The following TYW1B variants were observed in gnomAD, a reference collection of about 807,000 sequenced individuals.
TYW1B encodes S-adenosyl-L-methionine-dependent tRNA 4-demethylwyosine synthase TYW1B.
A neutral mutation model predicts 86.9 loss-of-function variants in TYW1B; 73 were observed. The observed-to-expected ratio is 0.84, with a 90% CI of 0.70 to 1.02. TYW1B has a LOEUF of 1.02. Among genes scored for constraint, TYW1B ranks in the 50% least tolerant of loss-of-function variants. The pLI, the probability that TYW1B is intolerant of heterozygous loss-of-function variation, is 0.00. For synonymous variants in TYW1B, 248 were observed against 292.8 expected (o/e 0.85, Z 1.56); for missense variants, 637 against 827.4 (o/e 0.77, Z 2.82).
At chr7:72,652,549 G>C (rs1366341048) in intron 11 of TYW1B, among the ~76,000 whole-genome samples, 2 of 152,118 alleles carry the variant, frequency 1.3e-5, no homozygotes, top group Non-Finnish European at 2.9e-5. Flanking sequence ...ATTGGGAATA[G>C]TGGCTACCTT....
At chr7:72,665,458 A>G (rs1269664219) in intron 11 of TYW1B, among the ~76,000 whole-genome samples, 1 of 152,192 alleles carries the variant, frequency 6.6e-6, no homozygotes, top group Non-Finnish European at 1.5e-5. Flanking sequence ...AATTTGATTA[A>G]CCCACCATCT....
chr7:72,814,063 A>G (rs1196469776), intron 3 of TYW1B, among the ~76,000 whole-genome samples: 1 of 151,940 alleles, frequency 6.6e-6, no homozygotes. Context: ...CACACAGCTA[A>G]TAAGAGATTT....
At chr7:72,714,770 AG>A (rs1554455520) in intron 9 of TYW1B, among the ~76,000 whole-genome samples, 2 of 152,232 alleles carry the variant, frequency 1.3e-5, no homozygotes, top group Non-Finnish European at 2.9e-5. Flanking sequence ...TGCCAAAATT[AG>A]CTGGGCGTAG....
At chr7:72,823,392 CG>C (rs1330116697) in intron 2 of TYW1B, among the ~76,000 whole-genome samples, 1 of 151,794 alleles carries the variant, frequency 6.6e-6, no homozygotes, top group Non-Finnish European at 1.5e-5. Context: ...GAGGCCAAGG[CG>C]GGCAGATCAC....
At chr7:72,757,617 G>A (rs572003204) in intron 7 of TYW1B, among the ~76,000 whole-genome samples, 19 of 152,102 alleles carry the variant, frequency 1.2e-4, no homozygotes, top group Non-Finnish European at 2.2e-4. Context: ...AAAGCAATTC[G>A]ATGGAGAAAG....
intron 13 of TYW1B, among the ~76,000 whole-genome samples, chr7:72,605,411 T>A (rs530191769): frequency 7.4e-4 from 113 of 151,680 alleles, no homozygotes; most frequent in African/African-American, 2.6e-3. Flanking sequence ...TAGAGTGCAG[T>A]GGCGCAATCT....
At chr7:72,806,998 A>G in intron 5 of TYW1B, 68 bp downstream of exon 5, 1 of 1,549,676 alleles carries the variant, frequency 6.5e-7, no homozygotes, top group Non-Finnish European at 8.7e-7. Flanking sequence ...TTATTGAGGA[A>G]GAGCTCAAGC....
At chr7:72,601,542 T>C (rs1249824628) in intron 13 of TYW1B, among the ~76,000 whole-genome samples, 1 of 152,092 alleles carries the variant, frequency 6.6e-6, no homozygotes, top group Non-Finnish European at 1.5e-5. Flanking sequence ...GAAAACATAT[T>C]CACACAAAAA....
intron 13 of TYW1B, among the ~76,000 whole-genome samples, chr7:72,602,231 G>A (rs545769840): frequency 9.7e-4 from 147 of 152,196 alleles, no homozygotes; most frequent in African/African-American, 3.1e-3. Context: ...TGCACATAGC[G>A]CTGTGCTCCA....
chr7:72,821,614 T>C (rs537582030), intron 2 of TYW1B, among the ~76,000 whole-genome samples: 1 of 152,310 alleles, frequency 6.6e-6, no homozygotes, highest in East Asian at 1.9e-4. Flanking sequence ...GGTATTTAGG[T>C]TGACAATGGC....
At chr7:72,659,397 G>C (rs1813279030) in intron 11 of TYW1B, among the ~76,000 whole-genome samples, 1 of 152,110 alleles carries the variant, frequency 6.6e-6, no homozygotes, top group African/African-American at 2.4e-5. Context: ...TGGCTAACAT[G>C]GTGAAACCTG....
chr7:72,679,838 T>C (rs1281248535), intron 11 of TYW1B, among the ~76,000 whole-genome samples: 2 of 152,140 alleles, frequency 1.3e-5, no homozygotes, highest in Non-Finnish European at 2.9e-5. Context: ...AGTATAAATA[T>C]GGAATGATAG....
intron 13 of TYW1B, among the ~76,000 whole-genome samples, chr7:72,601,749 G>C (rs1554433778): frequency 7.7e-6 from 1 of 129,178 alleles, no homozygotes; most frequent in Non-Finnish European, 1.6e-5. Context: ...ATATTGCTAA[G>C]TGAAAAAAAA....
Position 72,575,215 on chromosome 7 carries a change from A to G in TYW1B, c.*283T>C. 1.6e-6 allele frequency: 2 copies of G among 1,235,294 alleles called. 1 individual carries two copies. The highest frequency in any genetic ancestry group is 4.6e-5 in the South Asian group (2 of 43,544). The allele number at this position is 1,235,294 out of a possible 1,614,324, so 76.5% of individuals were successfully genotyped here. A position where few individuals can be genotyped will look rare whatever the true frequency, so the allele number is the denominator to read the frequency against. On this transcript the variant is annotated 3_prime_UTR_variant, in exon 14 of 14. Coordinates refer to ENST00000620995, the MANE Select transcript of TYW1B (RefSeq NM_001145440.3). ...TTAGAAGTTATAATACAAAACCATC[A>G]GTTAAATTCTAATCACGACTGTGTA...
intron 8 of TYW1B, among the ~76,000 whole-genome samples, chr7:72,737,405 C>T (rs564177892): frequency 6.6e-6 from 1 of 152,228 alleles, no homozygotes; most frequent in African/African-American, 2.4e-5. Context: ...CTTTCCAAAA[C>T]TCTGGGTAAA....
chr7:72,769,461 A>C (rs1187425043), intron 7 of TYW1B, among the ~76,000 whole-genome samples: 5 of 152,186 alleles, frequency 3.3e-5, no homozygotes, highest in Non-Finnish European at 5.9e-5. Context: ...AGCTTCTAGA[A>C]GAAAATCTAG....
intron 11 of TYW1B, among the ~76,000 whole-genome samples, chr7:72,633,036 T>C (rs2960937): frequency 0.52 from 77,977 of 149,400 alleles, 17,433 homozygotes; most frequent in African/African-American, 0.73. Flanking sequence ...CAGCAGATGG[T>C]CACTAAGGTG....
At chr7:72,674,128 G>C (rs1207174441) in intron 11 of TYW1B, among the ~76,000 whole-genome samples, 1 of 152,082 alleles carries the variant, frequency 6.6e-6, no homozygotes, top group East Asian at 1.9e-4. Context: ...GTGAAGTGTG[G>C]AGTGTCAGCA....
intron 6 of TYW1B, among the ~76,000 whole-genome samples, chr7:72,795,709 T>C (rs1187592814): frequency 8.1e-6 from 1 of 124,042 alleles, no homozygotes; most frequent in Non-Finnish European, 1.7e-5. Flanking sequence ...CACTCATTCC[T>C]CATTTCTAGT....
Sources: allele counts gnomAD v4.1 joint callset (sites outside exome capture counted in the v4.1 genomes callset), GRCh38; gene constraint gnomAD v4.1.1; transcripts MANE v1.5; gene names NCBI Gene and HGNC (gene_info 2026-07-23, HGNC 2026-07-21).